GALNT18: variants seen among roughly 807,000 people sequenced by gnomAD.
The protein encoded by GALNT18 is GalNAc-transferase 18.
GALNT18 carries 44 observed loss-of-function variants against 69.5 expected under a neutral mutation model. The ratio of observed to expected loss-of-function variants is 0.63; its 90% CI spans 0.50 to 0.81. GALNT18 has a LOEUF of 0.81. Ranked by LOEUF, GALNT18 falls within the 40% of genes least tolerant of loss-of-function variation. The probability of loss-of-function intolerance (pLI) is 0.00; values close to 1 mark genes in which losing one functional copy is unlikely to be tolerated. For synonymous variants in GALNT18, 364 were observed against 318.2 expected, an observed-to-expected ratio of 1.14 and a Z score of -1.53; for missense variants, 715 against 810.0, an observed-to-expected ratio of 0.88 and a Z score of 1.42.
At chr11:11,545,672 A>G (rs1419568018) in intron 1 of GALNT18, among the ~76,000 whole-genome samples, 1 of 152,242 alleles carries the variant, frequency 6.6e-6, no homozygotes, top group Non-Finnish European at 1.5e-5. Flanking sequence ...GCGTTTTCCC[A>G]TCAAAAGAGG....
chr11:11,281,785 G>T (rs1849080678), intron 10 of GALNT18, among the ~76,000 whole-genome samples: 1 of 152,126 alleles, frequency 6.6e-6, no homozygotes, highest in East Asian at 1.9e-4. Context: ...GAAGGGATGT[G>T]GGAAGGATGG....
Position 11,470,927 on chromosome 11 carries a change from G to T in GALNT18, c.236-21991C>A, listed in dbSNP as rs1357960458. Among the ~76,000 whole-genome samples the T allele has an allele frequency of 6.6e-6, 1 of 152,068 alleles. No homozygotes were observed. Among genetic ancestry groups the T allele is most frequent in the Non-Finnish European group, 1.5e-5 (1 of 68,022 alleles). On this transcript the variant is annotated intron_variant, in intron 1 of 10. Transcript: ENST00000227756. The surrounding 1 kb of genome is among the most constrained non-coding windows in gnomAD (Gnocchi z 4.8). Reference sequence around the variant, plus strand: ...AAAAACCTTTGCCTGAGAATCAAACGTCCTGCCAAATGGCTTCTTGATTTC... The same window carrying T: ...AAAAACCTTTGCCTGAGAATCAAACTTCCTGCCAAATGGCTTCTTGATTTC...
Position 11,383,681 on chromosome 11 carries a change from T to C in GALNT18, c.596-4417A>G, listed in dbSNP as rs2133699658. Among the ~76,000 whole-genome samples, 1 of 152,292 alleles carries C rather than the reference T, an allele frequency of 6.6e-6. No homozygotes were observed. The highest frequency in any genetic ancestry group is 1.9e-4 in the East Asian group (1 of 5,192). ...CTTACTGATATGATTTGACTCTGTG[T>C]CCCCACCCAAATCTCATCTTGAATT... On this transcript the variant is annotated intron_variant, in intron 3 of 10. Transcript: ENST00000227756. This position sits in a 1 kb window ranked among gnomAD's most constrained non-coding sequence, Gnocchi z 5.2.
intron 8 of GALNT18, among the ~76,000 whole-genome samples, chr11:11,331,751 A>C (rs1474627331): frequency 6.6e-6 from 1 of 152,068 alleles, no homozygotes; most frequent in Non-Finnish European, 1.5e-5. Flanking sequence ...TGTGACATGG[A>C]GATAATATAG....
At chr11:11,292,555 T>C (rs923472460) in intron 10 of GALNT18, among the ~76,000 whole-genome samples, 2 of 151,858 alleles carry the variant, frequency 1.3e-5, no homozygotes. Flanking sequence ...GCAGAGGGGG[T>C]TGCAGATCAG....
chr11:11,353,016 T>G (rs762547389), intron 6 of GALNT18: 166 of 1,614,124 alleles, frequency 1.0e-4, no homozygotes, highest in Non-Finnish European at 1.4e-4. Flanking sequence ...GTCATCTTGA[T>G]TTCCCCATTC....
chr11:11,311,344 T>C (rs1453043216), intron 9 of GALNT18, among the ~76,000 whole-genome samples: 1 of 152,066 alleles, frequency 6.6e-6, no homozygotes, highest in Non-Finnish European at 1.5e-5. Context: ...ATACATGCCA[T>C]TAGGGAGATG....
intron 9 of GALNT18, among the ~76,000 whole-genome samples, chr11:11,294,403 T>C (rs1275254535): frequency 1.3e-5 from 2 of 152,146 alleles, no homozygotes; most frequent in African/African-American, 2.4e-5. Context: ...ACCTAGGCTG[T>C]TTTGTTTGTA....
At chr11:11,317,501 A>G (rs1298268449) in intron 9 of GALNT18, among the ~76,000 whole-genome samples, 1 of 152,058 alleles carries the variant, frequency 6.6e-6, no homozygotes, top group African/African-American at 2.4e-5. Context: ...AATGATGAGC[A>G]TTTTTTCATT....
intron 6 of GALNT18, among the ~76,000 whole-genome samples, chr11:11,371,416 G>A (rs943100271): frequency 2.0e-5 from 3 of 152,234 alleles, no homozygotes; most frequent in Non-Finnish European, 2.9e-5. Context: ...GACATCAGAT[G>A]CAGACACTAA....
rs1282105629 is a variant in GALNT18 at position 11,573,881 on chromosome 11, T to A, written c.235+47478A>T. ...CTGTGCTGGGGCTTTCTGTGCACCATCTTCATTTGGTGCATTTTGAGGGGT... is the reference window on the plus strand; with the variant it reads ...CTGTGCTGGGGCTTTCTGTGCACCAACTTCATTTGGTGCATTTTGAGGGGT... On this transcript the variant is annotated intron_variant, in intron 1 of 10. Coordinates refer to ENST00000227756, the MANE Select transcript of GALNT18 (RefSeq NM_198516.3). This position sits in a 1 kb window ranked among gnomAD's most constrained non-coding sequence, Gnocchi z 4.6. The A allele has an allele frequency of 6.6e-6, 1 of 152,172 alleles. No individual in the cohort carries two copies. The highest frequency in any genetic ancestry group is 1.5e-5 in the Non-Finnish European group (1 of 68,038). The allele number at this position is 152,172 out of a possible 1,614,324, so 9.4% of individuals were successfully genotyped here.
intron 9 of GALNT18, among the ~76,000 whole-genome samples, chr11:11,324,143 G>T (rs899986271): frequency 2.0e-5 from 3 of 152,196 alleles, no homozygotes; most frequent in African/African-American, 7.2e-5. Context: ...CCAGCACTCT[G>T]ATCTTGGGCT....
intron 1 of GALNT18, among the ~76,000 whole-genome samples, chr11:11,611,166 C>T (rs12289244): frequency 0.12 from 18,295 of 152,202 alleles, 1,538 homozygotes; most frequent in African/African-American, 0.24. Context: ...TTACTTTTAA[C>T]TTCCCAGCAT....
rs1408657272 is a variant in GALNT18 at position 11,500,647 on chromosome 11, C to T, written c.236-51711G>A. Among the ~76,000 whole-genome samples, 3 of 152,088 alleles carry T rather than the reference C, an allele frequency of 2.0e-5. No individual in the cohort carries two copies. Among genetic ancestry groups the T allele is most frequent in the South Asian group, 2.1e-4 (1 of 4,812 alleles). On this transcript the variant is annotated intron_variant, in intron 1 of 10. Transcript: ENST00000227756. This position sits in a 1 kb window ranked among gnomAD's most constrained non-coding sequence, Gnocchi z 5.0. ...ATCCAGTGCAAAATGGTGACAGTGC[C>T]GAGCTAGAGAAGCCCTTCCCATGCA...
At chr11:11,410,386 G>C (rs2133755529) in intron 3 of GALNT18, among the ~76,000 whole-genome samples, 1 of 152,238 alleles carries the variant, frequency 6.6e-6, no homozygotes, top group East Asian at 1.9e-4. Context: ...CTGCGGTCGG[G>C]GGATTGAAGA....
In GALNT18 at chr11:11,618,498, C is replaced by T. The variant is rs1357229759; in HGVS notation, c.235+2861G>A. Among the ~76,000 whole-genome samples the T allele has an allele frequency of 6.6e-6, 1 of 152,192 alleles. No homozygotes were observed. Among genetic ancestry groups the T allele is most frequent in the Admixed American group, 6.5e-5 (1 of 15,282 alleles). The stretch of plus-strand genomic sequence containing the variant: ...AGTTTCCAAGTGGGAAGGCTGCTGA[C>T]TCCCTCACCCCTCAGCCATCCTCTG... On this transcript the variant is annotated intron_variant, in intron 1 of 10. Coordinates refer to ENST00000227756, the MANE Select transcript of GALNT18 (RefSeq NM_198516.3). The surrounding 1 kb of genome is among the most constrained non-coding windows in gnomAD (Gnocchi z 6.1).
At chr11:11,491,254 T>C (rs1310162176) in intron 1 of GALNT18, among the ~76,000 whole-genome samples, 2 of 152,206 alleles carry the variant, frequency 1.3e-5, no homozygotes, top group Non-Finnish European at 2.9e-5. Flanking sequence ...TTATAAGACA[T>C]GTCCTATGAA....
intron 1 of GALNT18, among the ~76,000 whole-genome samples, chr11:11,576,230 G>A (rs868849109): frequency 1.3e-4 from 20 of 152,360 alleles, no homozygotes; most frequent in Middle Eastern, 6.8e-3. Context: ...CCCAAGCACT[G>A]ACTCCAGGGC....
intron 10 of GALNT18, among the ~76,000 whole-genome samples, chr11:11,291,294 A>G (rs1243499952): frequency 2.0e-5 from 3 of 151,654 alleles, no homozygotes; most frequent in Non-Finnish European, 4.4e-5. Flanking sequence ...CACTTCCGAC[A>G]TAGCTTCAGT....
Sources: gnomAD v4.1 joint callset for allele counts (sites outside exome capture counted in the v4.1 genomes callset) on GRCh38, gnomAD v4.1.1 for gene constraint, Gnocchi (gnomAD v3.1) non-coding constraint, MANE v1.5 for transcripts, NCBI Gene and HGNC (gene_info 2026-07-23, HGNC 2026-07-21) for gene names.